TMEM217: variants seen among roughly 807,000 people sequenced by gnomAD.
TMEM217 encodes transmembrane protein 217, also known as chromosome 6 open reading frame 128.
For synonymous variants in TMEM217, 76 were observed against 88.3 expected (o/e 0.86, Z 0.78); for missense variants, 204 against 248.8 (o/e 0.82, Z 1.21).
chr6:37,256,291 C>A (rs1233188262), intron 1 of TMEM217, among the ~76,000 whole-genome samples: 1 of 152,184 alleles, frequency 6.6e-6, no homozygotes, highest in African/African-American at 2.4e-5. Context: ...ATTACTCTTT[C>A]AAGACATCAA....
At chr6:37,237,772 A>G (rs1764573069) in intron 1 of TMEM217, among the ~76,000 whole-genome samples, 1 of 152,182 alleles carries the variant, frequency 6.6e-6, no homozygotes, top group Admixed American at 6.5e-5. Flanking sequence ...AAAAAGTACT[A>G]AAGACATACA....
At chr6:37,233,765 G>A (rs1006216140) in intron 1 of TMEM217, among the ~76,000 whole-genome samples, 3 of 152,020 alleles carry the variant, frequency 2.0e-5, no homozygotes, top group African/African-American at 4.8e-5. Flanking sequence ...TACTTAAGTC[G>A]CTAACTAACG....
chr6:37,229,342 T>TG (rs1764047399), intron 1 of TMEM217, among the ~76,000 whole-genome samples: 3 of 125,762 alleles, frequency 2.4e-5, no homozygotes, highest in Non-Finnish European at 5.0e-5. Flanking sequence ...TCAGTTTTTT[T>TG]TTTTTTTTTT....
At chr6:37,257,439 T>C (rs1765818687) in intron 1 of TMEM217, 129 bp downstream of exon 1, 1 of 153,776 alleles carries the variant, frequency 6.5e-6, no homozygotes, top group Admixed American at 6.5e-5. Flanking sequence ...GGCCCTTACT[T>C]TTAGGTGAAA....
intron 1 of TMEM217, among the ~76,000 whole-genome samples, chr6:37,238,812 T>C (rs949691921): frequency 1.3e-5 from 2 of 152,222 alleles, no homozygotes; most frequent in African/African-American, 2.4e-5. Flanking sequence ...AGTATTCTTC[T>C]AAGTATTGAT....
At chr6:37,232,575 CCTA>C (rs1764262524) in intron 1 of TMEM217, among the ~76,000 whole-genome samples, 1 of 84,772 alleles carries the variant, frequency 1.2e-5, no homozygotes, top group Non-Finnish European at 2.6e-5. Context: ...GCTGGGAAAT[CCTA>C]CTACCCTTCT....
At chr6:37,239,504 ATAAG>A (rs917575377) in intron 1 of TMEM217, among the ~76,000 whole-genome samples, 28 of 111,558 alleles carry the variant, frequency 2.5e-4, no homozygotes, top group African/African-American at 7.2e-4. Flanking sequence ...AAATAAATAA[ATAAG>A]TAAATAAAAT....
At chr6:37,232,834 A>G (rs1165756882) in intron 1 of TMEM217, among the ~76,000 whole-genome samples, 1 of 152,016 alleles carries the variant, frequency 6.6e-6, no homozygotes, top group Non-Finnish European at 1.5e-5. Context: ...TCTGACACCA[A>G]ACTCACCTTG....
At chr6:37,221,496 G>C (rs904290212) in intron 1 of TMEM217, among the ~76,000 whole-genome samples, 6 of 152,076 alleles carry the variant, frequency 3.9e-5, no homozygotes, top group African/African-American at 1.4e-4. Context: ...CATGTAAGTA[G>C]AATCTTATAG....
chr6:37,257,189 C>T (rs939441623), intron 1 of TMEM217, among the ~76,000 whole-genome samples: 2 of 152,176 alleles, frequency 1.3e-5, no homozygotes, highest in African/African-American at 4.8e-5. Flanking sequence ...GGGATTAGAT[C>T]ATTTGAATTT....
At chr6:37,253,569 T>G (rs1353777940) in intron 1 of TMEM217, among the ~76,000 whole-genome samples, 1 of 152,208 alleles carries the variant, frequency 6.6e-6, no homozygotes, top group Non-Finnish European at 1.5e-5. Flanking sequence ...TGCTGTTAAA[T>G]CCCAGCTTGA....
chr6:37,242,814 TTGTGGTCATAAGC>T (rs1482724316), intron 1 of TMEM217, among the ~76,000 whole-genome samples: 1 of 152,210 alleles, frequency 6.6e-6, no homozygotes, highest in Non-Finnish European at 1.5e-5. Flanking sequence ...GGCCTTACTT[TTGTGGTCATAAGC>T]TGACTGCCCC....
At chr6:37,215,597 A>G (rs576463157), downstream of TMEM217, among the ~76,000 whole-genome samples, 247 of 146,976 alleles carry the variant, frequency 1.7e-3, 4 homozygotes, top group East Asian at 0.018. Context: ...AAAAAAAAAA[A>G]AAAAGAAAAG....
chr6:37,226,412 C>T (rs1038785373), intron 1 of TMEM217, among the ~76,000 whole-genome samples: 1 of 150,378 alleles, frequency 6.6e-6, no homozygotes, highest in South Asian at 2.1e-4. Context: ...CCTGCCTCAG[C>T]CTCCCAAGTA....
chr6:37,220,785 G>C (rs1417193080), intron 1 of TMEM217, among the ~76,000 whole-genome samples: 1 of 152,026 alleles, frequency 6.6e-6, no homozygotes, highest in Non-Finnish European at 1.5e-5. Context: ...AGCACATAAG[G>C]AACAAGGCAC....
At chr6:37,240,445 C>G (rs1764710430) in intron 1 of TMEM217, among the ~76,000 whole-genome samples, 1 of 152,152 alleles carries the variant, frequency 6.6e-6, no homozygotes. Context: ...CTATAGTCCA[C>G]TTGAATTTCC....
chr6:37,232,195 A>G (rs1451579964), intron 1 of TMEM217, among the ~76,000 whole-genome samples: 1 of 152,238 alleles, frequency 6.6e-6, no homozygotes, highest in Non-Finnish European at 1.5e-5. Context: ...TCCAAAAAAT[A>G]GAATTTTCCC....
chr6:37,230,220 A>G (rs1764121133), intron 1 of TMEM217, among the ~76,000 whole-genome samples: 1 of 152,188 alleles, frequency 6.6e-6, no homozygotes, highest in South Asian at 2.1e-4. Flanking sequence ...AGTTCTCTCC[A>G]TTTATGGGTT....
chr6:37,227,107 C>A (rs1180030778), intron 1 of TMEM217, among the ~76,000 whole-genome samples: 1 of 152,188 alleles, frequency 6.6e-6, no homozygotes, highest in African/African-American at 2.4e-5. Flanking sequence ...AAAACTGACT[C>A]ACTTGTCTTC....
Sources: allele counts gnomAD v4.1 joint callset (sites outside exome capture counted in the v4.1 genomes callset), GRCh38; gene constraint gnomAD v4.1.1; transcripts MANE v1.5; gene names NCBI Gene and HGNC (gene_info 2026-07-23, HGNC 2026-07-21).